FHIT: variants seen among roughly 807,000 people sequenced by gnomAD.
The protein encoded by FHIT is bis(5'-adenosyl)-triphosphatase.
FHIT carries 19 observed loss-of-function variants against 17.9 expected under a neutral mutation model. The observed-to-expected ratio is 1.06, with a 90% CI of 0.74 to 1.56. FHIT has a LOEUF of 1.56. Among genes scored for constraint, FHIT ranks in the 40% most tolerant of loss-of-function variants. The pLI, the probability that FHIT is intolerant of heterozygous loss-of-function variation, is 0.00. For missense variants in FHIT, 248 were observed against 189.2 expected (o/e 1.31, Z -1.82); for synonymous variants, 81 against 69.7 (o/e 1.16, Z -0.81).
chr3:60,292,227 A>G (rs1388161269), intron 5 of FHIT, among the ~76,000 whole-genome samples: 2 of 152,194 alleles, frequency 1.3e-5, no homozygotes, highest in Non-Finnish European at 2.9e-5. Context: ...TTCAAAACAA[A>G]ATATTAAAAA....
intron 3 of FHIT, among the ~76,000 whole-genome samples, chr3:61,023,895 C>G (rs1267842992): frequency 6.6e-6 from 1 of 151,988 alleles, no homozygotes; most frequent in Non-Finnish European, 1.5e-5. Flanking sequence ...CCATAAAAAC[C>G]CTAGAAGAAA....
chr3:60,404,490 T>G (rs1467742262), intron 5 of FHIT, among the ~76,000 whole-genome samples: 1 of 152,204 alleles, frequency 6.6e-6, no homozygotes, highest in Non-Finnish European at 1.5e-5. Context: ...AAATAAGGTT[T>G]GAAGTCACTT....
intron 4 of FHIT, among the ~76,000 whole-genome samples, chr3:60,718,253 G>A (rs782599414): frequency 1.6e-4 from 24 of 152,034 alleles, no homozygotes; most frequent in Non-Finnish European, 2.8e-4. Flanking sequence ...AAAACCATTC[G>A]AAGTTTCATG....
At chr3:60,907,084 T>C (rs945210012) in intron 3 of FHIT, among the ~76,000 whole-genome samples, 10 of 152,114 alleles carry the variant, frequency 6.6e-5, no homozygotes, top group Non-Finnish European at 1.0e-4. Context: ...CACAAAATAG[T>C]TACCCAGTCT....
intron 5 of FHIT, among the ~76,000 whole-genome samples, chr3:60,277,410 CA>C (rs745894889): frequency 5.3e-5 from 8 of 152,122 alleles, no homozygotes; most frequent in Non-Finnish European, 1.0e-4. Context: ...TGGAAGCTTG[CA>C]ATGGATGAAT....
intron 3 of FHIT, among the ~76,000 whole-genome samples, chr3:60,896,761 T>G (rs1705844177): frequency 1.3e-5 from 2 of 152,176 alleles, no homozygotes; most frequent in African/African-American, 4.8e-5. Context: ...TGATATATAG[T>G]TAGGTTCATT....
chr3:60,575,771 G>A (rs1321375338), intron 4 of FHIT, among the ~76,000 whole-genome samples: 1 of 152,058 alleles, frequency 6.6e-6, no homozygotes, highest in East Asian at 1.9e-4. Context: ...TATGCCTTAC[G>A]GTTCACATGA....
intron 2 of FHIT, among the ~76,000 whole-genome samples, chr3:61,046,858 A>C (rs1376547820): frequency 3.3e-5 from 5 of 152,210 alleles, no homozygotes. Context: ...CAAAAAACGT[A>C]ATCCATCATA....
intron 5 of FHIT, among the ~76,000 whole-genome samples, chr3:60,363,119 C>G (rs980877817): frequency 1.3e-5 from 2 of 151,924 alleles, no homozygotes; most frequent in Non-Finnish European, 2.9e-5. Context: ...AGTTGGGTAT[C>G]AAAAAATAAA....
intron 8 of FHIT, among the ~76,000 whole-genome samples, chr3:59,781,653 C>T (rs1200970551): frequency 6.6e-6 from 1 of 152,244 alleles, no homozygotes; most frequent in East Asian, 1.9e-4. Context: ...TGGATTTCAT[C>T]CTGCTAATGC....
At chr3:60,537,436 A>G in intron 4 of FHIT, 1 of 976,728 alleles carries the variant, frequency 1.0e-6, no homozygotes, top group Non-Finnish European at 1.2e-6. Flanking sequence ...AGCAATTTAG[A>G]ACAAGTACGA....
At chr3:60,161,043 G>C (rs1161791108) in intron 5 of FHIT, among the ~76,000 whole-genome samples, 1 of 152,112 alleles carries the variant, frequency 6.6e-6, no homozygotes, top group African/African-American at 2.4e-5. Flanking sequence ...AAAAAGATAT[G>C]ACGGAGTTTC....
intron 3 of FHIT, among the ~76,000 whole-genome samples, chr3:60,994,122 T>C (rs2030479634): frequency 6.6e-6 from 1 of 152,226 alleles, no homozygotes; most frequent in Non-Finnish European, 1.5e-5. Flanking sequence ...TTAAATAAAA[T>C]ATACTATTTA....
At chr3:60,521,962 G>A (rs1387369084) in intron 5 of FHIT, among the ~76,000 whole-genome samples, 2 of 152,110 alleles carry the variant, frequency 1.3e-5, no homozygotes, top group Non-Finnish European at 2.9e-5. Context: ...GTCAGGGAAG[G>A]CCTCTGTGTG....
intron 7 of FHIT, among the ~76,000 whole-genome samples, chr3:59,956,796 T>C (rs1707424799): frequency 6.6e-6 from 1 of 152,232 alleles, no homozygotes; most frequent in Admixed American, 6.5e-5. Context: ...TGTGAAGCAC[T>C]GAAACTACTA....
At chr3:60,409,695 C>G (rs1455173319) in intron 5 of FHIT, among the ~76,000 whole-genome samples, 1 of 152,136 alleles carries the variant, frequency 6.6e-6, no homozygotes, top group Non-Finnish European at 1.5e-5. Flanking sequence ...AGTCATACTT[C>G]CCTGAGAGAA....
intron 5 of FHIT, among the ~76,000 whole-genome samples, chr3:60,081,506 T>G (rs1262246049): frequency 6.6e-6 from 1 of 152,100 alleles, no homozygotes; most frequent in Non-Finnish European, 1.5e-5. Flanking sequence ...TCATTAGTAA[T>G]AAGGTTCTGT....
At chr3:60,380,660 G>C (rs894008277) in intron 5 of FHIT, among the ~76,000 whole-genome samples, 3 of 152,136 alleles carry the variant, frequency 2.0e-5, no homozygotes, top group Non-Finnish European at 4.4e-5. Context: ...TCCAAGTTTA[G>C]TTGTCTCACT....
chr3:60,572,817 G>GAA lies in FHIT; in HGVS notation c.-17-35840_-17-35839dup, dbSNP rs1553656179. Among the ~76,000 whole-genome samples, 4 of 152,160 alleles carry GAA rather than the reference G, an allele frequency of 2.6e-5. No individual in the cohort carries two copies. The South Asian group carries it at 8.3e-4, about 32-fold the overall frequency. On this transcript the variant is annotated intron_variant, in intron 4 of 9. Coordinates refer to ENST00000492590, the MANE Select transcript of FHIT (RefSeq NM_002012.4). Reference sequence around the variant, plus strand: ...ATGTTGGCTGGGGAGATGGAAAAAGGAAAGAGGTAATGGGAGCAGACCTGG... The same window carrying GAA: ...ATGTTGGCTGGGGAGATGGAAAAAGGAAAAAGAGGTAATGGGAGCAGACCTGG...
Sources: allele counts gnomAD v4.1 joint callset (sites outside exome capture counted in the v4.1 genomes callset), GRCh38; gene constraint gnomAD v4.1.1; transcripts MANE v1.5; gene names NCBI Gene and HGNC (gene_info 2026-07-23, HGNC 2026-07-21).